GABRA3: variants seen among roughly 807,000 people sequenced by gnomAD.
GABRA3 encodes gamma-aminobutyric acid receptor subunit alpha-3.
Under a neutral mutation model 30.1 loss-of-function variants are expected in GABRA3, and 10 were observed. The ratio of observed to expected loss-of-function variants is 0.33; its 90% CI spans 0.20 to 0.56. The LOEUF (loss-of-function observed/expected upper bound fraction) is 0.56, where lower values mean the gene tolerates loss of function less well. Among genes scored for constraint, GABRA3 ranks in the 20% least tolerant of loss-of-function variants. The pLI, the probability that GABRA3 is intolerant of heterozygous loss-of-function variation, is 0.89. For missense variants in GABRA3, 233 were observed against 392.0 expected, an observed-to-expected ratio of 0.59 and a Z score of 3.42; for synonymous variants, 151 against 146.8, an observed-to-expected ratio of 1.03 and a Z score of -0.21.
chrX:152,294,594 G>A (rs1021722981), intron 3 of GABRA3, among the ~76,000 whole-genome samples: 69 of 111,204 alleles, frequency 6.2e-4, no homozygotes, highest in African/African-American at 2.0e-3. Context: ...GCTCAGAGAA[G>A]TTTGTTATTA....
intron 9 of GABRA3, among the ~76,000 whole-genome samples, chrX:152,180,030 C>A (rs1181032843): frequency 8.9e-6 from 1 of 111,800 alleles, no homozygotes; most frequent in Non-Finnish European, 1.9e-5. Context: ...TATACAAGTA[C>A]ACATACTTCT....
At chrX:152,260,906 A>G (rs1938717538) in intron 4 of GABRA3, among the ~76,000 whole-genome samples, 1 of 112,171 alleles carries the variant, frequency 8.9e-6, no homozygotes, top group Admixed American at 9.4e-5. Context: ...CTCCATTCTC[A>G]TGATACAAAT....
At chrX:152,276,522 C>A (rs1229143473) in intron 4 of GABRA3, among the ~76,000 whole-genome samples, 4 of 111,220 alleles carry the variant, frequency 3.6e-5, no homozygotes, top group African/African-American at 1.3e-4. Flanking sequence ...TAGGTACACA[C>A]CCTAAAGAAA....
intron 4 of GABRA3, among the ~76,000 whole-genome samples, chrX:152,266,439 T>C (rs1345940053): frequency 8.9e-6 from 1 of 112,188 alleles, no homozygotes; most frequent in African/African-American, 3.2e-5. Flanking sequence ...CATCCCTTCA[T>C]CATAAAAACC....
chrX:152,386,762 A>G (rs1299228877), intron 1 of GABRA3, among the ~76,000 whole-genome samples: 2 of 111,085 alleles, frequency 1.8e-5, no homozygotes, highest in Non-Finnish European at 3.8e-5. Flanking sequence ...ATCTAGAACC[A>G]GAAATACTTT....
At chrX:152,279,089 A>T (rs1317148668) in intron 4 of GABRA3, among the ~76,000 whole-genome samples, 60 of 111,211 alleles carry the variant, frequency 5.4e-4, no homozygotes, top group African/African-American at 1.6e-3. Context: ...TAGTTTCTTT[A>T]GCTGTGCAGA....
At chrX:152,225,851 C>A (rs1162989704) in intron 5 of GABRA3, among the ~76,000 whole-genome samples, 1 of 110,193 alleles carries the variant, frequency 9.1e-6, no homozygotes, top group East Asian at 2.9e-4. Flanking sequence ...CAACCTCTGC[C>A]ATCCTTTTGG....
At chrX:152,365,166 T>C (rs1207319129) in intron 1 of GABRA3, among the ~76,000 whole-genome samples, 1 of 111,281 alleles carries the variant, frequency 9.0e-6, no homozygotes, top group Non-Finnish European at 1.9e-5. Flanking sequence ...CTTCATAGAG[T>C]TAAACAATTT....
At chrX:152,208,852 C>A (rs1169276817) in intron 6 of GABRA3, among the ~76,000 whole-genome samples, 3 of 111,504 alleles carry the variant, frequency 2.7e-5, no homozygotes, top group South Asian at 3.8e-4. Context: ...TCTTGTACAG[C>A]CCCCCATAAC....
intron 9 of GABRA3, among the ~76,000 whole-genome samples, chrX:152,181,966 C>T (rs947114122): frequency 1.0e-4 from 11 of 110,477 alleles, no homozygotes; most frequent in African/African-American, 3.6e-4. Flanking sequence ...GTGGACATAC[C>T]TGTCTTGCTG....
chrX:152,379,060 T>A (rs1929072780), intron 1 of GABRA3, among the ~76,000 whole-genome samples: 1 of 111,423 alleles, frequency 9.0e-6, no homozygotes, highest in Admixed American at 9.6e-5. Context: ...ATTAGAGAGA[T>A]TAAAGAAGTT....
At chrX:152,351,562 C>G (rs1940479113) in intron 2 of GABRA3, among the ~76,000 whole-genome samples, 1 of 112,200 alleles carries the variant, frequency 8.9e-6, no homozygotes, top group Non-Finnish European at 1.9e-5. Flanking sequence ...AATGTTGTGT[C>G]TGGCTTGATC....
chrX:152,320,996 T>C (rs1939955585), intron 3 of GABRA3, among the ~76,000 whole-genome samples: 1 of 112,230 alleles, frequency 8.9e-6, no homozygotes, highest in Non-Finnish European at 1.9e-5. Context: ...GATTATTTTA[T>C]GGTCCCATTT....
rs754477980 is a variant in GABRA3, at chrX:152,401,003, A to AT, written c.-26-36408dup. Among the ~76,000 whole-genome samples, 6 of 111,564 alleles carry AT rather than the reference A, an allele frequency of 5.4e-5. No homozygotes were observed. In the East Asian group the frequency reaches 1.7e-3, roughly 32 times the overall value. The stretch of plus-strand genomic sequence containing the variant: ...CCTGAGTGAGCTTGCAAGCATATTC[A>AT]TCACCAGAGCCTCCAGAAAAATAAT... On this transcript the variant is annotated intron_variant, in intron 1 of 9. Transcript: ENST00000370314.
intron 9 of GABRA3, among the ~76,000 whole-genome samples, chrX:152,184,015 T>C (rs1394133194): frequency 2.7e-5 from 3 of 111,135 alleles, no homozygotes; most frequent in Middle Eastern, 4.2e-3. Context: ...GCTCTACTTA[T>C]AGACTGATTT....
chrX:152,219,091 G>C (rs780354477), intron 6 of GABRA3, among the ~76,000 whole-genome samples: 103 of 111,117 alleles, frequency 9.3e-4, no homozygotes, highest in African/African-American at 3.3e-3. Flanking sequence ...TCGCCTTCAC[G>C]TTTATTAAAT....
intron 9 of GABRA3, chrX:152,187,504 T>C (rs933351286): frequency 3.6e-5 from 4 of 111,801 alleles, no homozygotes; most frequent in Admixed American, 2.9e-4. Context: ...AATTAAAGAA[T>C]ATAATACTAT....
At chrX:152,283,324 G>A (rs1047672247) in intron 4 of GABRA3, among the ~76,000 whole-genome samples, 2 of 111,464 alleles carry the variant, frequency 1.8e-5, no homozygotes, top group Non-Finnish European at 3.8e-5. Flanking sequence ...GGAAGCCATG[G>A]AGACTTGGTA....
At chrX:152,400,503 T>C (rs1216214626) in intron 1 of GABRA3, among the ~76,000 whole-genome samples, 1 of 110,881 alleles carries the variant, frequency 9.0e-6, no homozygotes, top group Non-Finnish European at 1.9e-5. Context: ...AGTAAGACCC[T>C]GTCTCAAAAA....
Sources: gnomAD v4.1 joint callset for allele counts (sites outside exome capture counted in the v4.1 genomes callset) on GRCh38, gnomAD v4.1.1 for gene constraint, MANE v1.5 for transcripts, NCBI Gene and HGNC (gene_info 2026-07-23, HGNC 2026-07-21) for gene names.